The following ACSS2 variants were observed in gnomAD, a reference collection of about 807,000 sequenced individuals.
ACSS2 encodes the protein acetyl-coenzyme A synthetase, cytoplasmic.
Under a neutral mutation model 90.6 loss-of-function variants are expected in ACSS2, and 58 were observed. That is an observed-to-expected ratio of 0.64 (90% confidence interval 0.52 to 0.80). ACSS2 has a LOEUF of 0.80. ACSS2 is among the 30% of genes least tolerant of loss of function. The pLI is 0.00. For missense variants in ACSS2, 759 were observed against 912.0 expected (o/e 0.83, Z 2.16); for synonymous variants, 300 against 330.9 (o/e 0.91, Z 1.01).
At position 34,927,426 on chromosome 20, in the gene ACSS2, G is replaced by A; in HGVS notation, c.*212G>A. 1.6e-6 allele frequency: 1 copy of A among 639,226 alleles called. No individual in the cohort carries two copies. Among genetic ancestry groups the A allele is most frequent in the Non-Finnish European group, 2.7e-6 (1 of 373,192 alleles). 39.6% of individuals were successfully genotyped at this position (639,226 alleles called of 1,614,324 possible). A position where few individuals can be genotyped will look rare whatever the true frequency, so the allele number is the denominator to read the frequency against. The stretch of plus-strand genomic sequence containing the variant: ...GGGCCCAGGTCAGCCTCAGTCTGCT[G>A]TGCCTCCAGACTGCAGAGCTCTCAG... On this transcript the variant is annotated 3_prime_UTR_variant, in exon 18 of 18. Coordinates refer to ENST00000360596, the MANE Select transcript of ACSS2 (RefSeq NM_018677.4). This position sits in a 1 kb window ranked among gnomAD's most constrained non-coding sequence, Gnocchi z 4.2.
At chr20:34,880,341 A>C (rs528192779) in intron 1 of ACSS2, among the ~76,000 whole-genome samples, 15 of 152,076 alleles carry the variant, frequency 9.9e-5, no homozygotes, top group Non-Finnish European at 1.3e-4. Context: ...TGAGCTTAGG[A>C]GTTTAAGAAC....
At position 34,877,833 on chromosome 20, in the gene ACSS2, A is replaced by T. The variant is rs1161684488; in HGVS notation, c.178+1010A>T. On this transcript the variant is annotated intron_variant, in intron 1 of 17. Transcript: ENST00000360596. The stretch of plus-strand genomic sequence containing the variant: ...GACTTTGTCTCAAAAAAAAAAAAAA[A>T]AAAAAAAAAAAAAAAAGGTATAAGG... 6.0e-5 allele frequency among the ~76,000 whole-genome samples: 9 copies of T among 150,832 alleles called. 1 individual carries two copies. Among genetic ancestry groups the T allele is most frequent in the East Asian group, 1.9e-4 (1 of 5,154 alleles).
chr20:34,896,935 C>A (rs1250172928), intron 2 of ACSS2, among the ~76,000 whole-genome samples: 6 of 151,784 alleles, frequency 4.0e-5, no homozygotes, highest in Non-Finnish European at 7.4e-5. Context: ...GAGGCTGAGA[C>A]ATAAGAATTG....
chr20:34,899,403 C>CT lies in ACSS2; in HGVS notation c.375-13691dup, dbSNP rs1491537428. ...ATTTTTTTCTTTCTTTCTTTCTTTC[C>CT]TTCTTTCTTTCTTTCTTTCTTTCCT... On this transcript the variant is annotated intron_variant, in intron 2 of 17. Transcript: ENST00000360596. Among the ~76,000 whole-genome samples, 450 of 64,460 alleles carry CT rather than the reference C, an allele frequency of 7.0e-3. 5 individuals carry two copies. Among genetic ancestry groups the CT allele is most frequent in the South Asian group, 0.058 (76 of 1,308 alleles). The allele number at this position is 64,460 out of a possible 152,430, so 42.3% of individuals were successfully genotyped here. A position where few individuals can be genotyped will look rare whatever the true frequency, so the allele number is the denominator to read the frequency against.
intron 1 of ACSS2, among the ~76,000 whole-genome samples, chr20:34,877,195 C>T (rs928417773): frequency 1.3e-5 from 2 of 151,990 alleles, no homozygotes; most frequent in Admixed American, 6.5e-5. Flanking sequence ...CTCTAAGGGG[C>T]GACGGGAGCC....
intron 2 of ACSS2, among the ~76,000 whole-genome samples, chr20:34,899,095 G>A (rs1369646852): frequency 2.6e-5 from 4 of 152,200 alleles, no homozygotes; most frequent in Non-Finnish European, 5.9e-5. Flanking sequence ...CGGCTGCTCC[G>A]AGTGCGGGGC....
intron 2 of ACSS2, among the ~76,000 whole-genome samples, chr20:34,892,364 T>C (rs1205186651): frequency 6.6e-6 from 1 of 152,158 alleles, no homozygotes; most frequent in Non-Finnish European, 1.5e-5. Context: ...CCCCGGTGTC[T>C]CACATCTTGA....
At chr20:34,910,482 A>G (rs1422456135) in intron 2 of ACSS2, among the ~76,000 whole-genome samples, 1 of 152,206 alleles carries the variant, frequency 6.6e-6, no homozygotes, top group Non-Finnish European at 1.5e-5. Context: ...CTCTGCCTCT[A>G]TGAAAAATTT....
At chr20:34,885,355 GGAGAGTTTTCCAGAATCCT>G (rs2080166145) in intron 2 of ACSS2, among the ~76,000 whole-genome samples, 1 of 152,196 alleles carries the variant, frequency 6.6e-6, no homozygotes, top group South Asian at 2.1e-4. Context: ...TTCAATCACT[GGAGAGTTTTCCAGAATCCT>G]GAGGCCCTTT....
intron 2 of ACSS2, among the ~76,000 whole-genome samples, chr20:34,890,396 G>A (rs2080305686): frequency 6.6e-6 from 1 of 152,182 alleles, no homozygotes; most frequent in African/African-American, 2.4e-5. Context: ...AAAATGATCA[G>A]TGACAAGGTA....
chr20:34,914,227 C>G (rs1370793601), intron 6 of ACSS2, 56 bp downstream of exon 6: 1 of 1,608,320 alleles, frequency 6.2e-7, no homozygotes, highest in Non-Finnish European at 8.5e-7. Flanking sequence ...GTGCCAGGTT[C>G]CCTTTGTCCC....
intron 2 of ACSS2, among the ~76,000 whole-genome samples, chr20:34,896,565 A>G (rs995324516): frequency 1.3e-5 from 2 of 152,086 alleles, no homozygotes; most frequent in African/African-American, 4.8e-5. Flanking sequence ...TCATTCTTTT[A>G]TCTATTCATT....
chr20:34,894,350 C>T (rs931421326), intron 2 of ACSS2, among the ~76,000 whole-genome samples: 6 of 151,928 alleles, frequency 3.9e-5, no homozygotes, highest in Non-Finnish European at 7.4e-5. Context: ...TTAGGCCAGG[C>T]GTGGTGGCTC....
intron 2 of ACSS2, among the ~76,000 whole-genome samples, chr20:34,901,816 C>G (rs1313957190): frequency 6.6e-6 from 1 of 152,172 alleles, no homozygotes; most frequent in African/African-American, 2.4e-5. Context: ...CCTGGCCCAA[C>G]CTGAACAATC....
At position 34,921,378 on chromosome 20, in the gene ACSS2, C is replaced by T. The variant is rs1376804949; in HGVS notation, c.1326C>T (p.Ile442=). 1 of 1,614,216 alleles carries T rather than the reference C, an allele frequency of 6.2e-7. No individual in the cohort carries two copies. Among genetic ancestry groups the T allele is most frequent in the South Asian group, 1.1e-5 (1 of 91,084 alleles). ...LQVLGTVGEP[I]NPEAWLWYHR... ...TGTTAGGCACAGTGGGTGAACCCAT[C>T]AACCCTGAGGCCTGGCTATGGTACC... Residue 442 remains isoleucine, a synonymous_variant, in exon 11 of 18, where the codon ATC becomes ATT. Transcript: ENST00000360596.
intron 2 of ACSS2, among the ~76,000 whole-genome samples, chr20:34,899,592 C>T (rs1297716622): frequency 1.3e-5 from 2 of 151,578 alleles, no homozygotes; most frequent in Admixed American, 6.6e-5. Context: ...CGGGTTCAAG[C>T]GATTCTCCCA....
At chr20:34,918,472 T>C (rs2147090454) in intron 7 of ACSS2, among the ~76,000 whole-genome samples, 1 of 152,304 alleles carries the variant, frequency 6.6e-6, no homozygotes, top group Admixed American at 6.5e-5. Flanking sequence ...GGATGACAGA[T>C]CCAGAAGTAA....
intron 2 of ACSS2, among the ~76,000 whole-genome samples, chr20:34,898,478 C>T (rs1433047689): frequency 6.6e-6 from 1 of 151,308 alleles, no homozygotes; most frequent in Non-Finnish European, 1.5e-5. Flanking sequence ...TTCACAAACC[C>T]TGAGCTAGAC....
chr20:34,893,155 C>G lies in ACSS2; in HGVS notation c.374+10166C>G, dbSNP rs1043958554. 4.6e-4 allele frequency among the ~76,000 whole-genome samples: 70 copies of G among 152,026 alleles called. 1 individual carries two copies. The highest frequency in any genetic ancestry group is 1.7e-3 in the African/African-American group (70 of 41,456). ...TCATAATACTTAAGATTTTCCTTTT[C>G]TTTCTCTCTTTCTCTCTCCTTTTCC... is the stretch of plus-strand genomic sequence containing the variant. On this transcript the variant is annotated intron_variant, in intron 2 of 17. Coordinates refer to ENST00000360596, the MANE Select transcript of ACSS2 (RefSeq NM_018677.4).
Sources: gnomAD v4.1 joint callset for allele counts (sites outside exome capture counted in the v4.1 genomes callset) on GRCh38, gnomAD v4.1.1 for gene constraint, Gnocchi (gnomAD v3.1) non-coding constraint, MANE v1.5 for transcripts, NCBI Gene and HGNC (gene_info 2026-07-23, HGNC 2026-07-21) for gene names.